DHX57: variants seen among roughly 807,000 people sequenced by gnomAD.
DHX57 encodes DExH-box helicase 57, also known as putative ATP-dependent RNA helicase DHX57.
Under a neutral mutation model 156.2 loss-of-function variants are expected in DHX57, and 105 were observed. The ratio of observed to expected loss-of-function variants is 0.67; its 90% CI spans 0.57 to 0.79. The LOEUF (loss-of-function observed/expected upper bound fraction) is 0.79. DHX57 is among the 30% of genes least tolerant of loss of function. DHX57 has a pLI of 0.00. For missense variants in DHX57, 1,847 were observed against 1,661.9 expected, an observed-to-expected ratio of 1.11 and a Z score of -1.94; for synonymous variants, 704 against 595.6, an observed-to-expected ratio of 1.18 and a Z score of -2.65.
intron 19 of DHX57, chr2:38,816,054 T>C (rs974732247): frequency 1.7e-5 from 8 of 462,410 alleles, no homozygotes; most frequent in African/African-American, 1.6e-4. Flanking sequence ...TACCTAGCTT[T>C]TCCTACTTGC....
chr2:38,856,990 T>A (rs1672935716), intron 6 of DHX57: 1 of 153,526 alleles, frequency 6.5e-6, no homozygotes, highest in South Asian at 2.0e-4. Flanking sequence ...ATTTTCTGGG[T>A]GAAATAAAGC....
Position 38,825,898 on chromosome 2 carries a change from T to C in DHX57, c.2963A>G (p.Lys988Arg). The C allele has an allele frequency of 6.2e-7, 1 of 1,614,180 alleles. No individual in the cohort carries two copies. The highest frequency in any genetic ancestry group is 8.5e-7 in the Non-Finnish European group (1 of 1,180,006). Reference protein sequence around the residue: ...TSHHYNHQLLKQQLPEIQRVP... With the variant: ...TSHHYNHQLLRQQLPEIQRVP... ...TCTTTGTATTTCTGGTAGCTGTTGT[T>C]TTAAAAGCTGGTGATTGTAGTGATG... Residue 988 changes from lysine to arginine, a missense_variant, in exon 16 of 24, where the codon AAA becomes AGA. Transcript: ENST00000457308.
In DHX57 at chr2:38,815,769, A is replaced by G; in HGVS notation, c.3472-114T>C. 16 of 1,282,396 alleles carry G rather than the reference A, an allele frequency of 1.2e-5. 1 individual carries two copies. The South Asian group carries it at 2.1e-4, about 17-fold the overall frequency. 79.4% of individuals were successfully genotyped at this position (1,282,396 alleles called of 1,614,324 possible). On this transcript the variant is annotated intron_variant, in intron 19 of 23. Transcript: ENST00000457308. ...ATTTCAGGGGGTAGCAATGAGGCTC[A>G]AGTGGATTCATTCCTCAGGTATGAA...
chr2:38,798,342 G>A lies in DHX57; in HGVS notation c.4118C>T (p.Ser1373Phe), dbSNP rs369279079. The A allele has an allele frequency of 6.2e-7, 1 of 1,613,816 alleles. No homozygotes were observed. Among genetic ancestry groups the A allele is most frequent in the Non-Finnish European group, 8.5e-7 (1 of 1,179,990 alleles). Reference sequence around the variant, plus strand: ...TTTCACAATTGTGCTGATGATCCGGGATCCTCGAGGACACGTACACAGATC... The same window carrying A: ...TTTCACAATTGTGCTGATGATCCGGAATCCTCGAGGACACGTACACAGATC... ...SIDLCTCPRG[S>F]RIISTIVKLV... Residue 1373 changes from serine (S) to phenylalanine (F), a missense_variant, in exon 24 of 24, where the codon TCC becomes TTC. Transcript: ENST00000457308.
Position 38,813,926 on chromosome 2 carries a change from G to A in DHX57, c.3607-31C>T, listed in dbSNP as rs372332413. The A allele has an allele frequency of 4.9e-4, 792 of 1,606,426 alleles. 1 individual carries two copies. Among genetic ancestry groups the A allele is most frequent in the Non-Finnish European group, 4.7e-4 (550 of 1,174,550 alleles). On this transcript the variant is annotated intron_variant, in intron 20 of 23. Coordinates refer to ENST00000457308, the MANE Select transcript of DHX57 (RefSeq NM_198963.3). ...AGAAAAGCACAGCATTAATTAACAA[G>A]TGATATGGCTATTTCTTTTTTTTCT...
At chr2:38,819,211 G>C in intron 17 of DHX57, 67 bp from the exon 18 acceptor site, 1 of 1,497,732 alleles carries the variant, frequency 6.7e-7, no homozygotes, top group Non-Finnish European at 9.2e-7. Context: ...GTCTTGTTCT[G>C]TTGCCCAGGC....
chr2:38,861,066 T>A lies in DHX57; in HGVS notation c.1344A>T (p.Ile448=). The change falls in exon 5 of 24, where the codon ATA becomes ATT. Residue 448 remains isoleucine, a synonymous_variant. Transcript: ENST00000457308. ...CTGTTTTATGACAGGCAGGATTATT[T>A]ATTCTGGTCCTAGAGGGTACTGGCA... The part of the protein sequence containing the change: ...NFLPVPSRTR[I]NNPACHKTVI... The A allele has an allele frequency of 6.2e-7, 1 of 1,614,158 alleles. No homozygotes were observed. The highest frequency in any genetic ancestry group is 8.5e-7 in the Non-Finnish European group (1 of 1,180,010).
At position 38,813,914 on chromosome 2, in the gene DHX57, A is replaced by C; in HGVS notation, c.3607-19T>G. 1 of 1,611,020 alleles carries C rather than the reference A, an allele frequency of 6.2e-7. No homozygotes were observed. The highest frequency in any genetic ancestry group is 8.5e-7 in the Non-Finnish European group (1 of 1,177,884). ...AGTTTGCCTATGAGAAAAGCACAGCATTAATTAACAAGTGATATGGCTATT... is the reference window on the plus strand; with the variant it reads ...AGTTTGCCTATGAGAAAAGCACAGCCTTAATTAACAAGTGATATGGCTATT... On this transcript the variant is annotated intron_variant, in intron 20 of 23. Coordinates refer to ENST00000457308, the MANE Select transcript of DHX57 (RefSeq NM_198963.3).
chr2:38,874,519 C>T (rs1665511373), intron 1 of DHX57, among the ~76,000 whole-genome samples: 1 of 150,840 alleles, frequency 6.6e-6, no homozygotes, highest in South Asian at 2.1e-4. Flanking sequence ...ACGCCATTCT[C>T]CTGCCTCAGC....
At chr2:38,837,140 C>T (rs1671719258) in intron 13 of DHX57, among the ~76,000 whole-genome samples, 1 of 152,166 alleles carries the variant, frequency 6.6e-6, no homozygotes. Context: ...TGAGCCATTG[C>T]ACCTGGCATG....
chr2:38,822,385 A>T (rs1276871637), intron 17 of DHX57, among the ~76,000 whole-genome samples: 1 of 150,110 alleles, frequency 6.7e-6, no homozygotes, highest in Non-Finnish European at 1.5e-5. Context: ...CAGGCCCTAA[A>T]GAAGAATTAA....
chr2:38,811,689 TG>T, intron 21 of DHX57: 1 of 970,518 alleles, frequency 1.0e-6, no homozygotes, highest in Non-Finnish European at 1.6e-6. Flanking sequence ...TCCTGGTGCC[TG>T]GAATCTGTCT....
At chr2:38,824,954 CT>C (rs1671017416) in intron 16 of DHX57, among the ~76,000 whole-genome samples, 1 of 152,106 alleles carries the variant, frequency 6.6e-6, no homozygotes, top group Admixed American at 6.6e-5. Flanking sequence ...CAGCCCAAAG[CT>C]GCAGTCATTG....
At chr2:38,859,163 G>C (rs1425397129) in intron 5 of DHX57, among the ~76,000 whole-genome samples, 2 of 152,086 alleles carry the variant, frequency 1.3e-5, no homozygotes, top group Non-Finnish European at 2.9e-5. Context: ...AACAAAATGT[G>C]GTATGTCCAC....
At chr2:38,810,365 C>T (rs1304804997) in intron 21 of DHX57, 15 of 469,370 alleles carry the variant, frequency 3.2e-5, no homozygotes, top group South Asian at 2.4e-4. Flanking sequence ...CAAATTATCA[C>T]AACAATTAGT....
intron 3 of DHX57, 115 bp downstream of exon 3, chr2:38,863,246 A>G (rs1673329696): frequency 1.8e-6 from 2 of 1,129,232 alleles, no homozygotes; most frequent in South Asian, 3.6e-5. Flanking sequence ...CTTTCAACTA[A>G]TTAAATGGCC....
At chr2:38,821,389 A>C (rs947265281) in intron 17 of DHX57, among the ~76,000 whole-genome samples, 2 of 152,146 alleles carry the variant, frequency 1.3e-5, no homozygotes, top group Non-Finnish European at 2.9e-5. Flanking sequence ...AGAACGGAAA[A>C]ACAATTGAAA....
intron 10 of DHX57, among the ~76,000 whole-genome samples, chr2:38,847,522 A>T (rs1366713913): frequency 6.6e-6 from 1 of 152,252 alleles, no homozygotes; most frequent in African/African-American, 2.4e-5. Flanking sequence ...TTGAAGAAGG[A>T]TAAATCAAAG....
At chr2:38,835,464 G>A (rs531383085) in intron 13 of DHX57, among the ~76,000 whole-genome samples, 1 of 152,272 alleles carries the variant, frequency 6.6e-6, no homozygotes, top group Non-Finnish European at 1.5e-5. Context: ...CTTTGTCCCT[G>A]GAATCAGGAA....
Sources: gnomAD v4.1 joint callset for allele counts (sites outside exome capture counted in the v4.1 genomes callset) on GRCh38, gnomAD v4.1.1 for gene constraint, MANE v1.5 for transcripts, NCBI Gene and HGNC (gene_info 2026-07-23, HGNC 2026-07-21) for gene names.